LDB3: variants seen among roughly 807,000 people sequenced by gnomAD.
The protein encoded by LDB3 is LIM domain-binding protein 3.
A neutral mutation model predicts 69.0 loss-of-function variants in LDB3; 49 were observed. The observed-to-expected ratio is 0.71, with a 90% CI of 0.56 to 0.90. The LOEUF (loss-of-function observed/expected upper bound fraction) is 0.90. LDB3 is among the 40% of genes least tolerant of loss of function. The pLI, the probability that LDB3 is intolerant of heterozygous loss-of-function variation, is 0.00. For synonymous variants in LDB3, 387 were observed against 396.2 expected (o/e 0.98, Z 0.28); for missense variants, 928 against 974.1 (o/e 0.95, Z 0.63).
At position 86,691,892 on chromosome 10, in the gene LDB3, A is replaced by G. The variant is rs45529531; in HGVS notation, c.690-4A>G. The G allele has an allele frequency of 2.6e-3, 4,213 of 1,614,060 alleles. 13 individuals are homozygous for G. Among genetic ancestry groups the G allele is most frequent in the African/African-American group, 6.9e-3 (517 of 75,046 alleles). On this transcript the variant is annotated splice_region_variant and splice_polypyrimidine_tract_variant and intron_variant, in intron 5 of 13. Coordinates refer to ENST00000361373, the MANE Select transcript of LDB3 (RefSeq NM_007078.3). ...CTCGCCCACGGCCTCTCTCTGCATTACAGGAGCCTCCCTATTAAGGACCTT... is the reference window on the plus strand; with the variant it reads ...CTCGCCCACGGCCTCTCTCTGCATTGCAGGAGCCTCCCTATTAAGGACCTT...
At chr10:86,687,352 G>A in intron 5 of LDB3, 1 of 1,401,226 alleles carries the variant, frequency 7.1e-7, no homozygotes, top group Middle Eastern at 2.0e-4. Flanking sequence ...ATCGGGACCA[G>A]CTTTCTTCCC....
chr10:86,679,507 C>A lies in LDB3; in HGVS notation c.234C>A (p.Leu78=), dbSNP rs947293580. The A allele has an allele frequency of 2.5e-6, 4 of 1,613,858 alleles. No individual in the cohort carries two copies. The highest frequency in any genetic ancestry group is 3.4e-6 in the Non-Finnish European group (4 of 1,180,038). Residue 78 remains leucine (L), a synonymous_variant, in exon 3 of 14, where the codon CTC becomes CTA. Transcript: ENST00000361373. ...AGTCTGCCAGCTACAACTTGAGCCT[C>A]ACCCTGCAGAAGTAGGTGGGAGCTC... ...KIKSASYNLS[L]TLQKSKRPIP...
Position 86,709,935 on chromosome 10 carries a change from G to A in LDB3, c.1116G>A (p.Val372=). ...RPQASSYSPA[V]AASSAPATHT... ...AGGCCTCTTCCTACAGCCCCGCAGT[G>A]GCCGCCTCTTCAGCACCTGCCACCC... Residue 372 remains valine (V), a synonymous_variant, in exon 9 of 14, where the codon GTG becomes GTA. Transcript: ENST00000361373. 1 of 1,612,310 alleles carries A rather than the reference G, an allele frequency of 6.2e-7. No homozygotes were observed. The highest frequency in any genetic ancestry group is 8.5e-7 in the Non-Finnish European group (1 of 1,179,974).
intron 2 of LDB3, among the ~76,000 whole-genome samples, chr10:86,676,979 T>C (rs1014497802): frequency 2.0e-5 from 3 of 152,238 alleles, no homozygotes; most frequent in Admixed American, 6.5e-5. Flanking sequence ...GGCCTGAATC[T>C]AGCTTCTGCC....
Position 86,679,242 on chromosome 10 carries a change from C to T in LDB3, c.94-125C>T, listed in dbSNP as rs191910139. ...GGCTTGGTTAGCAGCTGGTACTGGCCGTAGCGAATGAAAAACACAATGACG... is the reference window on the plus strand; with the variant it reads ...GGCTTGGTTAGCAGCTGGTACTGGCTGTAGCGAATGAAAAACACAATGACG... On this transcript the variant is annotated intron_variant, in intron 2 of 13. Coordinates refer to ENST00000361373, the MANE Select transcript of LDB3 (RefSeq NM_007078.3). 534 of 1,160,700 alleles carry T rather than the reference C, an allele frequency of 4.6e-4. 3 individuals are homozygous for T. The highest frequency in any genetic ancestry group is 2.3e-3 in the East Asian group (92 of 40,742). The allele number at this position is 1,160,700 out of a possible 1,614,324, so 71.9% of individuals were successfully genotyped here.
At chr10:86,673,488 G>A (rs531894889) in intron 2 of LDB3, among the ~76,000 whole-genome samples, 1 of 152,140 alleles carries the variant, frequency 6.6e-6, no homozygotes, top group Admixed American at 6.5e-5. Context: ...AGGCAGGCAG[G>A]GAGAGGCTTT....
intron 9 of LDB3, 64 bp from the exon 10 acceptor site, chr10:86,716,263 G>A (rs1396810588): frequency 2.5e-6 from 4 of 1,578,866 alleles, no homozygotes; most frequent in Non-Finnish European, 3.5e-6. Context: ...GGCTAGGAGT[G>A]AGGGGAACTG....
intron 7 of LDB3, among the ~76,000 whole-genome samples, chr10:86,695,940 G>A (rs1242242639): frequency 6.6e-6 from 1 of 152,220 alleles, no homozygotes; most frequent in African/African-American, 2.4e-5. Context: ...TTTCCCTGAT[G>A]CCTGCCTGGG....
At chr10:86,688,378 G>C (rs1246449254) in intron 5 of LDB3, among the ~76,000 whole-genome samples, 1 of 152,134 alleles carries the variant, frequency 6.6e-6, no homozygotes, top group African/African-American at 2.4e-5. Context: ...ATGCATGCAG[G>C]TTATAAAGGG....
At chr10:86,698,844 G>A (rs939409677) in intron 7 of LDB3, among the ~76,000 whole-genome samples, 5 of 152,124 alleles carry the variant, frequency 3.3e-5, no homozygotes, top group Non-Finnish European at 7.4e-5. Flanking sequence ...GCCCAGCTAG[G>A]GGACAGAGAT....
intron 2 of LDB3, among the ~76,000 whole-genome samples, chr10:86,671,840 C>T (rs551400498): frequency 1.3e-5 from 2 of 152,306 alleles, no homozygotes; most frequent in Admixed American, 6.5e-5. Context: ...AGGCTGGGCG[C>T]GGTGCCTCAT....
At chr10:86,685,779 A>C in intron 5 of LDB3, 1 of 1,518,472 alleles carries the variant, frequency 6.6e-7, no homozygotes, top group Non-Finnish European at 9.1e-7. Flanking sequence ...GCGTGGATAG[A>C]GTGTGCCTGC....
chr10:86,718,929 T>A (rs1846977150), intron 12 of LDB3, 82 bp downstream of exon 12: 1 of 1,563,056 alleles, frequency 6.4e-7, no homozygotes, highest in East Asian at 2.3e-5. Flanking sequence ...TCCTGCCTAA[T>A]CCATTCACAT....
At chr10:86,732,246 C>G (rs1847494284) in intron 13 of LDB3, among the ~76,000 whole-genome samples, 2 of 152,028 alleles carry the variant, frequency 1.3e-5, no homozygotes, top group African/African-American at 4.8e-5. Context: ...CGTGAATCCT[C>G]TCTGTGGTAT....
intron 5 of LDB3, among the ~76,000 whole-genome samples, chr10:86,688,050 CGTGT>C (rs71487273): frequency 0.16 from 16,033 of 102,812 alleles, 1,299 homozygotes; most frequent in East Asian, 0.46. Flanking sequence ...CCCCGACCCT[CGTGT>C]GTGTGTGTGT....
chr10:86,706,913 G>A (rs1373562015), intron 8 of LDB3, among the ~76,000 whole-genome samples, 194 bp downstream of exon 8: 2 of 152,208 alleles, frequency 1.3e-5, no homozygotes, highest in African/African-American at 4.8e-5. Flanking sequence ...GCACCACTGT[G>A]GCGGGGACTG....
chr10:86,699,391 C>A lies in LDB3; in HGVS notation c.896+6820C>A, dbSNP rs750520380. The A allele has an allele frequency of 2.2e-5, 36 of 1,613,350 alleles. No individual in the cohort carries two copies. In the Admixed American group the frequency reaches 5.0e-4, roughly 22 times the overall value. ...AAAAGCTAAAAGGCTGCCTGGAATC[C>A]CCCCACCCCAACAGGCTGGACTCCC... On this transcript the variant is annotated intron_variant, in intron 7 of 13. Transcript: ENST00000361373. This position sits in a 1 kb window ranked among gnomAD's most constrained non-coding sequence, Gnocchi z 4.9.
intron 2 of LDB3, 134 bp from the exon 3 acceptor site, chr10:86,679,233 G>T: frequency 9.5e-7 from 1 of 1,055,254 alleles, no homozygotes; most frequent in Non-Finnish European, 1.4e-6. Flanking sequence ...GTTAGCAGCT[G>T]GTACTGGCCG....
intron 2 of LDB3, among the ~76,000 whole-genome samples, chr10:86,676,479 C>A (rs556149716): frequency 6.7e-6 from 1 of 149,750 alleles, no homozygotes; most frequent in African/African-American, 2.5e-5. Context: ...GCAGAAGAAT[C>A]GCTTGAACCC....
Sources: gnomAD v4.1 joint callset for allele counts (sites outside exome capture counted in the v4.1 genomes callset) on GRCh38, gnomAD v4.1.1 for gene constraint, Gnocchi (gnomAD v3.1) non-coding constraint, MANE v1.5 for transcripts, NCBI Gene and HGNC (gene_info 2026-07-23, HGNC 2026-07-21) for gene names.